EFNA5: variants seen among roughly 807,000 people sequenced by gnomAD.
The protein encoded by EFNA5 is ephrin A5.
A neutral mutation model predicts 22.9 loss-of-function variants in EFNA5; 5 were observed. The observed-to-expected ratio is 0.22, with a 90% CI of 0.11 to 0.46. The LOEUF is 0.46. Among genes scored for constraint, EFNA5 ranks in the 20% least tolerant of loss-of-function variants. The pLI is 0.99. For missense variants in EFNA5, 237 were observed against 293.3 expected (o/e 0.81, Z 1.40); for synonymous variants, 113 against 112.2 (o/e 1.01, Z -0.04).
Position 107,486,258 on chromosome 5 carries a change from C to T in EFNA5, c.126-58749G>A, listed in dbSNP as rs1041029992. On this transcript the variant is annotated intron_variant, in intron 1 of 4. Transcript: ENST00000333274. Reference sequence around the variant, plus strand: ...CCCTGCTAGAAAAAAGCCACACTGCCAAATTCAACCCTATGTATATTCACA... The same window carrying T: ...CCCTGCTAGAAAAAAGCCACACTGCTAAATTCAACCCTATGTATATTCACA... Among the ~76,000 whole-genome samples, 5 of 152,274 alleles carry T rather than the reference C, an allele frequency of 3.3e-5. No homozygotes were observed. The East Asian group carries it at 9.6e-4, about 29-fold the overall frequency.
intron 1 of EFNA5, among the ~76,000 whole-genome samples, chr5:107,647,965 C>G (rs1750660300): frequency 6.6e-6 from 1 of 152,164 alleles, no homozygotes; most frequent in South Asian, 2.1e-4. Context: ...GGGCATTAAA[C>G]AGGTGGATTA....
intron 1 of EFNA5, among the ~76,000 whole-genome samples, chr5:107,485,267 A>C (rs1746575298): frequency 6.6e-6 from 1 of 152,202 alleles, no homozygotes; most frequent in Non-Finnish European, 1.5e-5. Flanking sequence ...GAAAAAAGAA[A>C]GTTCCCTCTT....
chr5:107,429,030 T>C (rs1580445594), intron 1 of EFNA5, among the ~76,000 whole-genome samples: 3 of 152,332 alleles, frequency 2.0e-5, no homozygotes, highest in African/African-American at 7.2e-5. Flanking sequence ...CATTCTAGAT[T>C]CTTGACCCTT....
intron 1 of EFNA5, among the ~76,000 whole-genome samples, chr5:107,520,833 A>G (rs941593009): frequency 2.6e-5 from 4 of 152,192 alleles, no homozygotes; most frequent in African/African-American, 9.6e-5. Context: ...CTTTTACTAA[A>G]TTATCTTAAC....
chr5:107,406,219 C>G (rs1026180436), intron 2 of EFNA5, among the ~76,000 whole-genome samples: 1 of 148,790 alleles, frequency 6.7e-6, no homozygotes, highest in Non-Finnish European at 1.5e-5. Context: ...ATAATGTATA[C>G]AAATATTAAA....
At chr5:107,664,927 T>C (rs192244505) in intron 1 of EFNA5, among the ~76,000 whole-genome samples, 333 of 152,312 alleles carry the variant, frequency 2.2e-3, no homozygotes, top group Non-Finnish European at 2.4e-3. Context: ...TCTTTATTGC[T>C]ACCGAAGTTA....
At position 107,399,318 on chromosome 5, in the gene EFNA5, CGGAAAGGAAA is replaced by C. The variant is rs70996954; in HGVS notation, c.419-11557_419-11548del. The stretch of plus-strand genomic sequence containing the variant: ...AGAAGGAAGGAAGGAAGGAAGGAAA[CGGAAAGGAAA>C]GGAAAGGAAAGGAAAGGAAAGGAAA... On this transcript the variant is annotated intron_variant, in intron 2 of 4. Coordinates refer to ENST00000333274, the MANE Select transcript of EFNA5 (RefSeq NM_001962.3). 5.6e-3 allele frequency among the ~76,000 whole-genome samples: 531 copies of C among 94,622 alleles called. 5 individuals carry two copies. Among genetic ancestry groups the C allele is most frequent in the South Asian group, 0.024 (65 of 2,702 alleles). The allele number at this position is 94,622 out of a possible 152,430, so 62.1% of individuals were successfully genotyped here.
At chr5:107,382,892 C>T (rs1165760984) in intron 4 of EFNA5, among the ~76,000 whole-genome samples, 1 of 152,174 alleles carries the variant, frequency 6.6e-6, no homozygotes, top group Non-Finnish European at 1.5e-5. Context: ...CTGGATGACC[C>T]ACCTCAAACC....
At chr5:107,460,541 C>T (rs1749810621) in intron 1 of EFNA5, among the ~76,000 whole-genome samples, 1 of 152,108 alleles carries the variant, frequency 6.6e-6, no homozygotes, top group Admixed American at 6.6e-5. Context: ...GTGAGTAAAG[C>T]CTCTTTCTTA....
intron 1 of EFNA5, among the ~76,000 whole-genome samples, chr5:107,460,452 A>G (rs2112455200): frequency 6.6e-6 from 1 of 152,318 alleles, no homozygotes; most frequent in Admixed American, 6.5e-5. Flanking sequence ...CATCACACAG[A>G]CACGTATGAA....
At chr5:107,545,844 T>C (rs1382473923) in intron 1 of EFNA5, among the ~76,000 whole-genome samples, 1 of 152,182 alleles carries the variant, frequency 6.6e-6, no homozygotes, top group Non-Finnish European at 1.5e-5. Flanking sequence ...TTTTTCCTAA[T>C]CGAAACACTG....
rs747776414 is a variant in EFNA5, at chr5:107,427,152, T to C, written c.418+65A>G. 1.4e-5 allele frequency: 22 copies of C among 1,566,592 alleles called. No homozygotes were observed. In the African/African-American group the frequency reaches 2.4e-4, roughly 17 times the overall value. On this transcript the variant is annotated intron_variant, in intron 2 of 4. Transcript: ENST00000333274. ...CAGCTCTCTGCAATTCTCTGAAACA[T>C]GGGTAAAAAATTAGTCTGGGTTCTT...
chr5:107,524,741 C>A (rs1224999300), intron 1 of EFNA5, among the ~76,000 whole-genome samples: 1 of 152,102 alleles, frequency 6.6e-6, no homozygotes, highest in Non-Finnish European at 1.5e-5. Flanking sequence ...CTAGAGTGAA[C>A]CAGCAGAAAA....
At chr5:107,418,322 G>A (rs1053734633) in intron 2 of EFNA5, among the ~76,000 whole-genome samples, 1 of 152,138 alleles carries the variant, frequency 6.6e-6, no homozygotes, top group South Asian at 2.1e-4. Context: ...TCATTAAACT[G>A]TTTCAGTTAA....
intron 1 of EFNA5, among the ~76,000 whole-genome samples, chr5:107,642,967 T>A (rs1750558622): frequency 6.6e-6 from 1 of 151,596 alleles, no homozygotes; most frequent in South Asian, 2.1e-4. Flanking sequence ...TAGACGATCT[T>A]GAAGGCCCCA....
intron 1 of EFNA5, among the ~76,000 whole-genome samples, chr5:107,572,963 TC>T: frequency 6.6e-6 from 1 of 152,288 alleles, no homozygotes; most frequent in South Asian, 2.1e-4. Flanking sequence ...ATTCCCATCA[TC>T]ATCAATTGGA....
intron 1 of EFNA5, among the ~76,000 whole-genome samples, chr5:107,599,244 T>G (rs1363771540): frequency 6.6e-6 from 1 of 152,138 alleles, no homozygotes. Context: ...CTAAACAAAC[T>G]ATAGCACATC....
chr5:107,411,540 T>C (rs539098695), intron 2 of EFNA5, among the ~76,000 whole-genome samples: 3 of 152,370 alleles, frequency 2.0e-5, no homozygotes, highest in East Asian at 3.9e-4. Flanking sequence ...TTGATGAAAC[T>C]ATCTACTTGT....
At position 107,640,337 on chromosome 5, in the gene EFNA5, G is replaced by GA. The variant is rs1282979978; in HGVS notation, c.125+30151dup. On this transcript the variant is annotated intron_variant, in intron 1 of 4. Coordinates refer to ENST00000333274, the MANE Select transcript of EFNA5 (RefSeq NM_001962.3). Reference sequence around the variant, plus strand: ...AATACTCATTATATCAATGTTAAGAGAAAAAAAAAGGCTAGACTCAGTCAA... The same window carrying GA: ...AATACTCATTATATCAATGTTAAGAGAAAAAAAAAAGGCTAGACTCAGTCAA... 2.3e-4 allele frequency among the ~76,000 whole-genome samples: 35 copies of GA among 149,954 alleles called. 1 individual carries two copies. The East Asian group carries it at 2.7e-3, about 12-fold the overall frequency.
Sources: allele counts gnomAD v4.1 joint callset (sites outside exome capture counted in the v4.1 genomes callset), GRCh38; gene constraint gnomAD v4.1.1; transcripts MANE v1.5; gene names NCBI Gene and HGNC (gene_info 2026-07-23, HGNC 2026-07-21).